Variants in SPIN1 observed in about 807,000 individuals in gnomAD.
The protein encoded by SPIN1 is spindlin-1.
Under a neutral mutation model 26.0 loss-of-function variants are expected in SPIN1, and 3 were observed. The observed-to-expected ratio is 0.12, with a 90% CI of 0.05 to 0.30. The LOEUF is 0.30. Ranked by LOEUF, SPIN1 falls within the 10% of genes least tolerant of loss-of-function variation. SPIN1 has a pLI of 1.00. For missense variants in SPIN1, 126 were observed against 333.4 expected (o/e 0.38, Z 4.84); for synonymous variants, 101 against 116.5 (o/e 0.87, Z 0.86).
chr9:88,394,143 G>C (rs1393121358), intron 1 of SPIN1, among the ~76,000 whole-genome samples: 1 of 152,144 alleles, frequency 6.6e-6, no homozygotes, highest in Non-Finnish European at 1.5e-5. Flanking sequence ...GCCACCATGT[G>C]TGGCTTTATC....
intron 1 of SPIN1, among the ~76,000 whole-genome samples, chr9:88,398,855 C>T (rs962900918): frequency 2.0e-5 from 3 of 152,052 alleles, no homozygotes; most frequent in Admixed American, 2.0e-4. Flanking sequence ...GCGTGAGCCA[C>T]CGTGCCCGGC....
intron 1 of SPIN1, among the ~76,000 whole-genome samples, chr9:88,395,285 T>C (rs1224982144): frequency 6.6e-6 from 1 of 152,074 alleles, no homozygotes; most frequent in Non-Finnish European, 1.5e-5. Flanking sequence ...TTTGCAAATG[T>C]AAGCATATGT....
chr9:88,438,757 C>T (rs1341380993), intron 2 of SPIN1, among the ~76,000 whole-genome samples: 1 of 152,140 alleles, frequency 6.6e-6, no homozygotes, highest in East Asian at 1.9e-4. Flanking sequence ...ACATCTGAAA[C>T]TTTTTGAGTA....
intron 4 of SPIN1, among the ~76,000 whole-genome samples, chr9:88,463,997 T>C (rs1828615758): frequency 6.6e-6 from 1 of 152,224 alleles, no homozygotes; most frequent in Non-Finnish European, 1.5e-5. Flanking sequence ...TTCCTGCATA[T>C]TGCTGCATGA....
chr9:88,436,754 CTTTTTTTTTTTTTTT>C (rs776223657), intron 2 of SPIN1, among the ~76,000 whole-genome samples: 5 of 98,794 alleles, frequency 5.1e-5, no homozygotes, highest in South Asian at 7.3e-4. Flanking sequence ...TCCTCTGTGT[CTTTTTTTTTTTTTTT>C]TTTTTTTTTT....
At chr9:88,403,583 C>T (rs1362543777) in intron 1 of SPIN1, among the ~76,000 whole-genome samples, 1 of 152,150 alleles carries the variant, frequency 6.6e-6, no homozygotes, top group Non-Finnish European at 1.5e-5. Flanking sequence ...TGGTGGCACA[C>T]ACCTGTAGTC....
At chr9:88,456,310 T>A (rs1161431690) in intron 3 of SPIN1, among the ~76,000 whole-genome samples, 2 of 152,200 alleles carry the variant, frequency 1.3e-5, no homozygotes, top group African/African-American at 4.8e-5. Context: ...AAGGTCATCC[T>A]GCTGGCAGAC....
chr9:88,389,722 A>T (rs1299931906), intron 1 of SPIN1, among the ~76,000 whole-genome samples: 3 of 152,188 alleles, frequency 2.0e-5, no homozygotes, highest in African/African-American at 7.2e-5. Context: ...CTTTTTTTCT[A>T]TTGGAATTTT....
intron 1 of SPIN1, chr9:88,410,660 C>G: frequency 3.2e-6 from 4 of 1,258,150 alleles, no homozygotes; most frequent in Non-Finnish European, 4.6e-6. Flanking sequence ...CCAAAGTTTC[C>G]TTCCTTCGTG....
At chr9:88,395,490 A>G (rs1209921530) in intron 1 of SPIN1, among the ~76,000 whole-genome samples, 9 of 152,172 alleles carry the variant, frequency 5.9e-5, no homozygotes, top group South Asian at 2.1e-4. Flanking sequence ...TATTGCGGCA[A>G]TGAATAACCT....
At chr9:88,426,753 T>A (rs564071028) in intron 2 of SPIN1, among the ~76,000 whole-genome samples, 162 bp downstream of exon 2, 3 of 152,376 alleles carry the variant, frequency 2.0e-5, no homozygotes, top group Non-Finnish European at 4.4e-5. Context: ...TTTAAGTTTC[T>A]TGAAAGGGAA....
At chr9:88,444,433 C>T (rs1297017776) in intron 2 of SPIN1, among the ~76,000 whole-genome samples, 1 of 151,372 alleles carries the variant, frequency 6.6e-6, no homozygotes, top group East Asian at 2.0e-4. Flanking sequence ...CTAGTAGAGA[C>T]GAGGTTTTAC....
intron 4 of SPIN1, among the ~76,000 whole-genome samples, chr9:88,462,991 A>G (rs1828600414): frequency 6.6e-6 from 1 of 152,196 alleles, no homozygotes; most frequent in South Asian, 2.1e-4. Context: ...AATTTATAAT[A>G]CGGTTATTTC....
In SPIN1 at chr9:88,405,997, T is replaced by TTG. The variant is rs1212598381; in HGVS notation, c.-159+17465_-159+17466dup. Reference sequence around the variant, plus strand: ...ACAGGCGCATGCCACCGTGCCTGGCTTGTGTGTCTGTGTGTGTGTGTGTGT... The same window carrying TTG: ...ACAGGCGCATGCCACCGTGCCTGGCTTGTGTGTGTCTGTGTGTGTGTGTGTGT... On this transcript the variant is annotated intron_variant, in intron 1 of 5. Transcript: ENST00000375859. 3.3e-3 allele frequency among the ~76,000 whole-genome samples: 457 copies of TTG among 138,942 alleles called. 6 individuals are homozygous for TTG. Among genetic ancestry groups the TTG allele is most frequent in the African/African-American group, 0.011 (417 of 37,380 alleles). The allele number at this position is 138,942 out of a possible 152,430, so 91.2% of individuals were successfully genotyped here.
chr9:88,389,608 A>G (rs1826875966), intron 1 of SPIN1, among the ~76,000 whole-genome samples: 2 of 152,222 alleles, frequency 1.3e-5, no homozygotes, highest in African/African-American at 4.8e-5. Context: ...TATCACGTTA[A>G]TCACAAAACA....
In SPIN1 at chr9:88,441,431, A is replaced by ATGTGTGTGTG. The variant is rs927476863; in HGVS notation, c.53-7501_53-7500insGTGTGTGTGT. The stretch of plus-strand genomic sequence containing the variant: ...TGTGTGTGTGCGCGCGCGCGCGCCC[A>ATGTGTGTGTG]TGTGTGTGTACATACATTGTTGCTC... On this transcript the variant is annotated intron_variant, in intron 2 of 5. Transcript: ENST00000375859. Among the ~76,000 whole-genome samples the ATGTGTGTGTG allele has an allele frequency of 9.6e-5, 9 of 93,304 alleles. 1 individual carries two copies. In the African/African-American group the frequency reaches 1.0e-3, roughly 11 times the overall value. 61.2% of individuals were successfully genotyped at this position (93,304 alleles called of 152,430 possible).
chr9:88,474,527 G>T (rs1239146840), intron 5 of SPIN1, among the ~76,000 whole-genome samples: 1 of 152,180 alleles, frequency 6.6e-6, no homozygotes, highest in Non-Finnish European at 1.5e-5. Flanking sequence ...GTGAAATGCA[G>T]TGAAGTTGAG....
intron 1 of SPIN1, among the ~76,000 whole-genome samples, chr9:88,408,868 G>T (rs1223158818): frequency 6.6e-6 from 1 of 151,566 alleles, no homozygotes; most frequent in Non-Finnish European, 1.5e-5. Flanking sequence ...GTTTCACCAT[G>T]TTGGCCAGGG....
chr9:88,471,816 G>A (rs1471047284), intron 5 of SPIN1, among the ~76,000 whole-genome samples: 1 of 151,998 alleles, frequency 6.6e-6, no homozygotes, highest in Non-Finnish European at 1.5e-5. Context: ...AGATCAAGAA[G>A]TTTGAGTCCT....
Sources: allele counts gnomAD v4.1 joint callset (sites outside exome capture counted in the v4.1 genomes callset), GRCh38; gene constraint gnomAD v4.1.1; transcripts MANE v1.5; gene names NCBI Gene and HGNC (gene_info 2026-07-23, HGNC 2026-07-21).